The following CELF2 variants were observed in gnomAD, a reference collection of about 807,000 sequenced individuals.
CELF2 encodes the protein CUG triplet repeat RNA-binding protein 2.
A neutral mutation model predicts 62.6 loss-of-function variants in CELF2; 8 were observed. That is an observed-to-expected ratio of 0.13 (90% CI 0.07 to 0.23). CELF2 has a LOEUF of 0.23. CELF2 is among the 10% of genes least tolerant of loss of function. CELF2 has a pLI of 1.00. For synonymous variants in CELF2, 258 were observed against 250.0 expected (o/e 1.03, Z -0.30); for missense variants, 333 against 671.0 (o/e 0.50, Z 5.56).
intron 3 of CELF2, among the ~76,000 whole-genome samples, chr10:11,238,122 T>A (rs955743640): frequency 1.3e-5 from 2 of 152,226 alleles, no homozygotes; most frequent in African/African-American, 4.8e-5. Flanking sequence ...GCGCCCATCA[T>A]TGACTTCGGA....
intron 1 of CELF2, among the ~76,000 whole-genome samples, chr10:10,813,972 G>T (rs953775622): frequency 6.6e-6 from 1 of 152,138 alleles, no homozygotes; most frequent in Admixed American, 6.5e-5. Context: ...GTGTACAAGA[G>T]ATGAGAGAGA....
intron 9 of CELF2, among the ~76,000 whole-genome samples, chr10:11,299,814 C>G (rs969846422): frequency 1.1e-4 from 2 of 17,802 alleles, no homozygotes; most frequent in African/African-American, 2.9e-4. Context: ...AGATCATCAA[C>G]ATTTTTTTTT....
chr10:10,556,667 T>C, the CELF2 span, among the ~76,000 whole-genome samples: 3 of 152,116 alleles, frequency 2.0e-5, no homozygotes, highest in African/African-American at 7.2e-5. Context: ...AAAGTGTTCC[T>C]GTTTCTCCAC....
intron 1 of CELF2, among the ~76,000 whole-genome samples, chr10:11,116,041 A>G (rs1284255745): frequency 6.6e-6 from 1 of 152,200 alleles, no homozygotes; most frequent in Admixed American, 6.5e-5. Context: ...TAAATGCAGG[A>G]AAATAGCAAA....
At chr10:10,847,503 C>G (rs1455990090) in intron 1 of CELF2, among the ~76,000 whole-genome samples, 1 of 152,176 alleles carries the variant, frequency 6.6e-6, no homozygotes, top group Non-Finnish European at 1.5e-5. Context: ...GACCTCCTCA[C>G]TCTGTAAACA....
the CELF2 span, among the ~76,000 whole-genome samples, chr10:10,534,214 TA>T: frequency 8.4e-4 from 113 of 134,286 alleles, no homozygotes; most frequent in Middle Eastern, 3.9e-3. Context: ...GAGGAGTTGT[TA>T]AAAAAAAAAA....
At chr10:11,301,198 T>C (rs979391707) in intron 9 of CELF2, among the ~76,000 whole-genome samples, 1 of 152,010 alleles carries the variant, frequency 6.6e-6, no homozygotes, top group Non-Finnish European at 1.5e-5. Flanking sequence ...CATTGCTGTT[T>C]TTCTCCCTTT....
At chr10:10,713,767 G>C in the CELF2 span, among the ~76,000 whole-genome samples, 1 of 152,178 alleles carries the variant, frequency 6.6e-6, no homozygotes, top group Non-Finnish European at 1.5e-5. Context: ...GGGCACGGTG[G>C]CTCATGCCTG....
At chr10:11,153,533 C>T (rs995575784) in intron 1 of CELF2, among the ~76,000 whole-genome samples, 3 of 152,068 alleles carry the variant, frequency 2.0e-5, no homozygotes, top group Non-Finnish European at 4.4e-5. Flanking sequence ...AGAACATGCG[C>T]TTTGTGTGTG....
At chr10:10,479,889 T>C in the CELF2 span, among the ~76,000 whole-genome samples, 2 of 152,196 alleles carry the variant, frequency 1.3e-5, no homozygotes, top group African/African-American at 4.8e-5. Flanking sequence ...TTTTTACCTT[T>C]TTCTGTGCAA....
At chr10:10,609,403 GAAAATGGTTAATAA>G in the CELF2 span, among the ~76,000 whole-genome samples, 2 of 127,708 alleles carry the variant, frequency 1.6e-5, no homozygotes, top group Non-Finnish European at 3.1e-5. Context: ...GTGCAACATA[GAAAATGGTTAATAA>G]ATGTTTCTTT....
intron 3 of CELF2, among the ~76,000 whole-genome samples, chr10:11,231,090 G>T (rs768433845): frequency 6.6e-6 from 1 of 152,170 alleles, no homozygotes; most frequent in Non-Finnish European, 1.5e-5. Context: ...GTATGTTTTT[G>T]CAATTTGGGA....
chr10:10,561,166 A>G, the CELF2 span, among the ~76,000 whole-genome samples: 1 of 152,194 alleles, frequency 6.6e-6, no homozygotes, highest in African/African-American at 2.4e-5. Context: ...TTATGGAAAA[A>G]TAAAATTTTT....
At chr10:10,646,049 C>A in the CELF2 span, among the ~76,000 whole-genome samples, 2 of 152,158 alleles carry the variant, frequency 1.3e-5, no homozygotes, top group Non-Finnish European at 2.9e-5. Flanking sequence ...GAGAACTTGA[C>A]GTCTCATTCT....
chr10:10,541,844 C>G, the CELF2 span, among the ~76,000 whole-genome samples: 1,871 of 152,288 alleles, frequency 0.012, 24 homozygotes, highest in Non-Finnish European at 0.023. Context: ...CTTAGAATGC[C>G]TAACCTCCTG....
chr10:10,701,155 G>GA, the CELF2 span, among the ~76,000 whole-genome samples: 30 of 152,356 alleles, frequency 2.0e-4, no homozygotes, highest in South Asian at 6.0e-3. Flanking sequence ...CCCAGCCAGA[G>GA]AAAATGGCAG....
At chr10:11,155,408 G>C (rs979809875) in intron 1 of CELF2, among the ~76,000 whole-genome samples, 1 of 152,100 alleles carries the variant, frequency 6.6e-6, no homozygotes, top group African/African-American at 2.4e-5. Flanking sequence ...CCTCCCTTTT[G>C]TTTGCTCCTC....
intron 1 of CELF2, among the ~76,000 whole-genome samples, chr10:11,073,366 C>T (rs554856075): frequency 1.6e-4 from 24 of 152,186 alleles, no homozygotes; most frequent in African/African-American, 4.6e-4. Context: ...TTTCAGTTAA[C>T]GATTTCTGGG....
At chr10:11,169,589 T>G (rs923321556) in intron 2 of CELF2, among the ~76,000 whole-genome samples, 4 of 152,198 alleles carry the variant, frequency 2.6e-5, no homozygotes, top group Non-Finnish European at 4.4e-5. Flanking sequence ...CCACAAAGCC[T>G]AGAGCTATAG....
Sources: gnomAD v4.1 joint callset for allele counts (sites outside exome capture counted in the v4.1 genomes callset) on GRCh38, gnomAD v4.1.1 for gene constraint, MANE v1.5 for transcripts, NCBI Gene and HGNC (gene_info 2026-07-23, HGNC 2026-07-21) for gene names.